The following PBX1 variants were observed in gnomAD, a reference collection of about 807,000 sequenced individuals.
PBX1 encodes the protein pre-B-cell leukemia transcription factor 1.
A neutral mutation model predicts 53.4 loss-of-function variants in PBX1; 6 were observed. The ratio of observed to expected loss-of-function variants is 0.11; its 90% CI spans 0.06 to 0.22. The LOEUF is 0.22. Among genes scored for constraint, PBX1 ranks in the 10% least tolerant of loss-of-function variants. The pLI, the probability that PBX1 is intolerant of heterozygous loss-of-function variation, is 1.00. For synonymous variants in PBX1, 204 were observed against 212.3 expected, an observed-to-expected ratio of 0.96 and a Z score of 0.34; for missense variants, 251 against 551.4, an observed-to-expected ratio of 0.46 and a Z score of 5.46.
At position 164,726,973 on chromosome 1, in the gene PBX1, G is replaced by A. The variant is rs185275341; in HGVS notation, c.266-65521G>A. On this transcript the variant is annotated intron_variant, in intron 2 of 8. Coordinates refer to ENST00000420696, the MANE Select transcript of PBX1 (RefSeq NM_002585.4). The stretch of plus-strand genomic sequence containing the variant: ...TTCCATAATGCAGGAAGAAACCTTC[G>A]CTTTGGTTTTCTGTGTTCCCTCAGC... Among the ~76,000 whole-genome samples the A allele has an allele frequency of 2.9e-3, 434 of 152,208 alleles. 2 individuals carry two copies. The highest frequency in any genetic ancestry group is 3.4e-3 in the Admixed American group (52 of 15,272).
At chr1:164,594,783 A>T (rs1240210297) in intron 2 of PBX1, among the ~76,000 whole-genome samples, 4 of 152,178 alleles carry the variant, frequency 2.6e-5, no homozygotes, top group Admixed American at 1.3e-4. Context: ...TTTTGCATGT[A>T]TTTTACCAAT....
Position 164,694,692 on chromosome 1 carries a change from C to G in PBX1, c.266-97802C>G, listed in dbSNP as rs1046737321. Among the ~76,000 whole-genome samples, 11 of 152,324 alleles carry G rather than the reference C, an allele frequency of 7.2e-5. No homozygotes were observed. The East Asian group carries it at 1.3e-3, about 19-fold the overall frequency. On this transcript the variant is annotated intron_variant, in intron 2 of 8. Transcript: ENST00000420696. ...CTAGAAACCTAATATTTGTATCAGA[C>G]TTTAACCTTTTTCTATGTCACCTCC...
chr1:164,855,689 A>T (rs1472897938), downstream of PBX1, among the ~76,000 whole-genome samples: 2 of 152,228 alleles, frequency 1.3e-5, no homozygotes, highest in East Asian at 3.8e-4. Flanking sequence ...AGCACGTGAG[A>T]AAGCAAAAAT....
chr1:164,642,753 C>T (rs1436485624), intron 2 of PBX1: 1 of 152,162 alleles, frequency 6.6e-6, no homozygotes, highest in Non-Finnish European at 1.5e-5. Context: ...TCAAGGAGCT[C>T]ACAGTCTAGT....
chr1:164,883,863 G>C (rs549089383), intron 2 of PBX1, among the ~76,000 whole-genome samples: 3 of 152,136 alleles, frequency 2.0e-5, no homozygotes, highest in African/African-American at 7.2e-5. Context: ...TATTAAGGCT[G>C]GGTTCTATGT....
intron 2 of PBX1, among the ~76,000 whole-genome samples, chr1:164,689,885 G>A (rs1662359901): frequency 6.6e-6 from 1 of 151,766 alleles, no homozygotes; most frequent in African/African-American, 2.4e-5. Context: ...CAGTAATGCA[G>A]TTCCCCTCTC....
At chr1:164,699,298 A>G (rs1662969164) in intron 2 of PBX1, among the ~76,000 whole-genome samples, 1 of 152,246 alleles carries the variant, frequency 6.6e-6, no homozygotes. Flanking sequence ...TAGTTTTGGT[A>G]AAGCTCCAGT....
chr1:164,837,205 C>T (rs1023804151), intron 8 of PBX1, among the ~76,000 whole-genome samples: 1 of 152,158 alleles, frequency 6.6e-6, no homozygotes, highest in African/African-American at 2.4e-5. Context: ...TGTATACAAT[C>T]TCTGTGTGTA....
chr1:164,644,856 T>C (rs1187255423), intron 2 of PBX1, among the ~76,000 whole-genome samples: 4 of 152,176 alleles, frequency 2.6e-5, no homozygotes, highest in East Asian at 1.9e-4. Context: ...GTGGAATCAG[T>C]TGGGCTCTCC....
intron 8 of PBX1, among the ~76,000 whole-genome samples, chr1:164,835,381 C>T (rs887864982): frequency 6.6e-6 from 1 of 151,752 alleles, no homozygotes; most frequent in East Asian, 1.9e-4. Context: ...CATAAGTTTA[C>T]AGTCTTTGTG....
chr1:164,852,359 C>T (rs539495145), downstream of PBX1, among the ~76,000 whole-genome samples: 87 of 152,184 alleles, frequency 5.7e-4, no homozygotes, highest in Non-Finnish European at 4.1e-4. Context: ...GTTATGCCTA[C>T]CATCCCAAAG....
intron 2 of PBX1, among the ~76,000 whole-genome samples, chr1:164,732,847 A>G (rs1175017292): frequency 6.6e-6 from 1 of 152,028 alleles, no homozygotes; most frequent in Non-Finnish European, 1.5e-5. Context: ...TTAGCTATAT[A>G]CAGTCTTTCT....
At chr1:164,744,406 G>A (rs1032384128) in intron 2 of PBX1, among the ~76,000 whole-genome samples, 1 of 152,140 alleles carries the variant, frequency 6.6e-6, no homozygotes, top group African/African-American at 2.4e-5. Context: ...CGTCTAATGA[G>A]CAAATAATTA....
intron 2 of PBX1, chr1:164,703,449 G>A (rs1457914709): frequency 6.6e-6 from 1 of 152,054 alleles, no homozygotes; most frequent in African/African-American, 2.4e-5. Flanking sequence ...TGCCTTATGT[G>A]TAATGGATTA....
intron 2 of PBX1, among the ~76,000 whole-genome samples, chr1:164,870,349 CTT>C (rs1265143821): frequency 2.1e-5 from 2 of 94,790 alleles, no homozygotes; most frequent in Non-Finnish European, 4.2e-5. Flanking sequence ...TTCTTTCTTT[CTT>C]TCTTTCTTTC....
At chr1:164,869,363 G>A (rs975682804) in intron 2 of PBX1, among the ~76,000 whole-genome samples, 1 of 152,212 alleles carries the variant, frequency 6.6e-6, no homozygotes, top group African/African-American at 2.4e-5. Flanking sequence ...AGGCCAGGGT[G>A]AAGCAGGTTA....
intron 8 of PBX1, among the ~76,000 whole-genome samples, chr1:164,834,029 A>ATGTGTGTGTGTGTGTGTG (rs35739146): frequency 0.017 from 2,168 of 128,206 alleles, 40 homozygotes; most frequent in Middle Eastern, 0.034. Flanking sequence ...ATATATGTAT[A>ATGTGTGTGTGTGTGTGTG]TGTGTGTGTG....
intron 2 of PBX1, among the ~76,000 whole-genome samples, chr1:164,768,355 A>C (rs1322788195): frequency 1.3e-5 from 2 of 152,288 alleles, no homozygotes; most frequent in African/African-American, 4.8e-5. Context: ...TCTGAATTCC[A>C]ACACAAGAAG....
chr1:164,647,337 C>T (rs551323246), intron 2 of PBX1, among the ~76,000 whole-genome samples: 12 of 152,154 alleles, frequency 7.9e-5, no homozygotes, highest in South Asian at 6.2e-4. Context: ...GAGAAGAGCA[C>T]GGCAGTCCGG....
Sources: gnomAD v4.1 joint callset for allele counts (sites outside exome capture counted in the v4.1 genomes callset) on GRCh38, gnomAD v4.1.1 for gene constraint, MANE v1.5 for transcripts, NCBI Gene and HGNC (gene_info 2026-07-23, HGNC 2026-07-21) for gene names.